The following PKNOX1 variants were observed in gnomAD, a reference collection of about 807,000 sequenced individuals.
PKNOX1 encodes the protein homeobox protein PKNOX1.
In PKNOX1, 15 loss-of-function variants were observed where a neutral mutation model predicts 51.9. The observed-to-expected ratio is 0.29, with a 90% CI of 0.19 to 0.45. The LOEUF is 0.45. Ranked by LOEUF, PKNOX1 falls within the 20% of genes least tolerant of loss-of-function variation. The pLI is 1.00. For missense variants in PKNOX1, 462 were observed against 547.5 expected (o/e 0.84, Z 1.56); for synonymous variants, 219 against 211.1 (o/e 1.04, Z -0.32).
chr21:43,030,015 G>T lies in PKNOX1; in HGVS notation c.1225G>T (p.Val409Leu), dbSNP rs753520669. ...GGCAGGGCAGAGCGAGGACGAGTCT[G>T]TGGACAGCACAGAGGAGGATGCGGG... ...MMAGQSEDES[V>L]DSTEEDAGAL... is the part of the protein sequence containing the mutation. Residue 409 changes from valine (V) to leucine (L), a missense_variant, in exon 11 of 11, where the codon GTG (valine) becomes TTG (leucine). Val to Leu is a conservative substitution (Grantham distance 32, BLOSUM62 1). Around this residue, in one of 5 missense-constraint regions of PKNOX1, gnomAD observed 118 missense variants for 116.8 expected, o/e 1.01. Transcript: ENST00000291547. 1.2e-5 allele frequency: 20 copies of T among 1,613,948 alleles called. No homozygotes were observed. The African/African-American group carries it at 2.0e-4, about 16-fold the overall frequency.
intron 3 of PKNOX1, among the ~76,000 whole-genome samples, chr21:43,008,467 A>C (rs1979097880): frequency 6.6e-6 from 1 of 152,236 alleles, no homozygotes; most frequent in African/African-American, 2.4e-5. Context: ...TTTCCTGGGA[A>C]TGTCAGACTT....
chr21:43,008,125 G>A (rs1312577377), intron 3 of PKNOX1, among the ~76,000 whole-genome samples: 1 of 150,822 alleles, frequency 6.6e-6, no homozygotes, highest in African/African-American at 2.5e-5. Flanking sequence ...ACCTATAAAA[G>A]TTTTAGAATA....
chr21:42,996,455 A>G (rs916204089), intron 1 of PKNOX1, among the ~76,000 whole-genome samples: 1 of 152,158 alleles, frequency 6.6e-6, no homozygotes, highest in South Asian at 2.1e-4. Flanking sequence ...TCTCCTGAGC[A>G]GTGCATTGGC....
chr21:43,022,205 C>T (rs1002387427), intron 8 of PKNOX1, among the ~76,000 whole-genome samples: 7 of 152,240 alleles, frequency 4.6e-5, no homozygotes, highest in Admixed American at 1.3e-4. Context: ...CCATATCCGC[C>T]TGTGTCCCAG....
At chr21:43,018,105 G>A in intron 6 of PKNOX1, 28 bp from the exon 7 acceptor site, 1 of 1,046,012 alleles carries the variant, frequency 9.6e-7, no homozygotes. Flanking sequence ...CTTAAAAGCA[G>A]CCTCATATTT....
intron 1 of PKNOX1, among the ~76,000 whole-genome samples, chr21:42,981,917 G>T (rs1186098769): frequency 6.6e-6 from 1 of 152,190 alleles, no homozygotes; most frequent in Non-Finnish European, 1.5e-5. Context: ...GGGCCTCTGG[G>T]CAGATGGAAC....
At chr21:43,028,365 A>G (rs1980073382) in intron 9 of PKNOX1, among the ~76,000 whole-genome samples, 1 of 152,128 alleles carries the variant, frequency 6.6e-6, no homozygotes, top group Admixed American at 6.6e-5. Flanking sequence ...CTTAGGGAAA[A>G]CAGTGTCAGA....
At chr21:42,987,425 A>ATATATATATG (rs1484433341) in intron 1 of PKNOX1, among the ~76,000 whole-genome samples, 3 of 135,102 alleles carry the variant, frequency 2.2e-5, no homozygotes, top group African/African-American at 8.3e-5. Context: ...ATATATATAT[A>ATATATATATG]TATGTATACT....
chr21:42,987,392 A>ATATATATATATATAT (rs1411095564), intron 1 of PKNOX1, among the ~76,000 whole-genome samples: 1 of 92,650 alleles, frequency 1.1e-5, no homozygotes, highest in African/African-American at 4.8e-5. Flanking sequence ...CAAAAAAAAA[A>ATATATATATATATAT]AAAAAAAAAA....
chr21:42,983,690 A>AT (rs921902096), intron 1 of PKNOX1, among the ~76,000 whole-genome samples: 1 of 152,030 alleles, frequency 6.6e-6, no homozygotes, highest in Non-Finnish European at 1.5e-5. Flanking sequence ...TCTGTTTTTA[A>AT]TTTTTTAGGG....
chr21:42,984,297 C>G (rs1239570388), intron 1 of PKNOX1, among the ~76,000 whole-genome samples: 1 of 152,040 alleles, frequency 6.6e-6, no homozygotes, highest in African/African-American at 2.4e-5. Context: ...TTTTAGTTGG[C>G]ATTTTAGTGA....
chr21:43,004,288 CA>C, intron 1 of PKNOX1, 37 bp from the exon 2 acceptor site: 1 of 852,374 alleles, frequency 1.2e-6, no homozygotes, highest in Non-Finnish European at 2.0e-6. Flanking sequence ...AAATGCTCTA[CA>C]ACTATTAACT....
At chr21:43,028,193 CAAG>C (rs2146297092) in intron 9 of PKNOX1, among the ~76,000 whole-genome samples, 1 of 152,306 alleles carries the variant, frequency 6.6e-6, no homozygotes, top group Non-Finnish European at 1.5e-5. Flanking sequence ...TGTGGTGAAA[CAAG>C]AGGAGGTGGC....
At chr21:43,025,717 T>C (rs1215525595) in intron 9 of PKNOX1, among the ~76,000 whole-genome samples, 1 of 152,240 alleles carries the variant, frequency 6.6e-6, no homozygotes, top group African/African-American at 2.4e-5. Context: ...TTCAGCTTAA[T>C]AAAACTGGCA....
At position 43,004,323 on chromosome 21, in the gene PKNOX1, C is replaced by A; in HGVS notation, c.-56-3C>A. The A allele has an allele frequency of 8.8e-7, 1 of 1,133,712 alleles. No individual in the cohort carries two copies. The highest frequency in any genetic ancestry group is 1.3e-6 in the Non-Finnish European group (1 of 743,056). 70.2% of individuals were successfully genotyped at this position (1,133,712 alleles called of 1,614,324 possible). ...CTGATGCTTTTCTGGTTTTGTTCTC[C>A]AGACACCATTCGCTTTTCACCCAAG... On this transcript the variant is annotated splice_region_variant and splice_polypyrimidine_tract_variant and intron_variant, in intron 1 of 10. Transcript: ENST00000291547.
chr21:42,974,934 G>A (rs2058984347), intron 1 of PKNOX1, among the ~76,000 whole-genome samples: 1 of 144,394 alleles, frequency 6.9e-6, no homozygotes, highest in Admixed American at 6.8e-5. Context: ...TGGTTTCTTA[G>A]TGTGGGTTGA....
intron 4 of PKNOX1, among the ~76,000 whole-genome samples, chr21:43,011,578 C>T (rs1979253832): frequency 6.6e-6 from 1 of 152,154 alleles, no homozygotes; most frequent in Non-Finnish European, 1.5e-5. Context: ...GCTCTCCTGC[C>T]AGAGTGTAAC....
intron 1 of PKNOX1, among the ~76,000 whole-genome samples, chr21:42,991,299 A>G (rs899637673): frequency 1.3e-5 from 2 of 151,860 alleles, no homozygotes; most frequent in African/African-American, 2.4e-5. Flanking sequence ...CCAGCCTTGG[A>G]AACAGCCAGA....
chr21:42,990,474 T>C (rs903376986), intron 1 of PKNOX1, among the ~76,000 whole-genome samples: 4 of 152,144 alleles, frequency 2.6e-5, no homozygotes, highest in Admixed American at 1.3e-4. Context: ...ATAAAGGTGC[T>C]AACCCCCAGA....
Sources: gnomAD v4.1 joint callset for allele counts (sites outside exome capture counted in the v4.1 genomes callset) on GRCh38, gnomAD v4.1.1 for gene constraint, gnomAD v4.1.1 regional missense constraint, MANE v1.5 for transcripts, NCBI Gene and HGNC (gene_info 2026-07-23, HGNC 2026-07-21) for gene names.